Variants in RCOR2 observed in about 807,000 individuals in gnomAD.
RCOR2 encodes REST corepressor 2.
A neutral mutation model predicts 58.9 loss-of-function variants in RCOR2; 19 were observed. The ratio of observed to expected loss-of-function variants is 0.32; its 90% CI spans 0.23 to 0.47. RCOR2 has a LOEUF of 0.47. RCOR2 is among the 20% of genes least tolerant of loss of function. The probability of loss-of-function intolerance (pLI) is 1.00; values close to 1 mark genes in which losing one functional copy is unlikely to be tolerated. For synonymous variants in RCOR2, 286 were observed against 278.7 expected (o/e 1.03, Z -0.26); for missense variants, 590 against 707.9 (o/e 0.83, Z 1.89).
intron 1 of RCOR2, 54 bp downstream of exon 1, chr11:63,916,276 C>T: frequency 6.8e-7 from 1 of 1,479,984 alleles, no homozygotes; most frequent in Non-Finnish European, 9.2e-7. Context: ...CCCTCCCGCC[C>T]CACTCCGCTC....
At position 63,916,378 on chromosome 11, in the gene RCOR2, C is replaced by T. The variant is rs964515577; in HGVS notation, c.79G>A (p.Gly27Arg). ...CTGTCATCCTCCGAGTGGGGCTGTCCGCCGTTGGGCACCGTCTTGGCCCGG... is the reference window on the plus strand; with the variant it reads ...CTGTCATCCTCCGAGTGGGGCTGTCTGCCGTTGGGCACCGTCTTGGCCCGG... ...RSRAKTVPNGGQPHSEDDSSE... is the reference protein window; with the variant it reads ...RSRAKTVPNGRQPHSEDDSSE... The change falls in exon 1 of 12, where the codon GGA (glycine) becomes AGA (arginine). Residue 27 changes from glycine to arginine, a missense_variant. Physicochemically the swap from Gly to Arg is moderately radical, Grantham distance 125 (BLOSUM62 -2). Around this residue, in one of 3 missense-constraint regions of RCOR2, gnomAD observed 390 missense variants for 478.7 expected, o/e 0.81. Transcript: ENST00000301459. 1 of 1,607,382 alleles carries T rather than the reference C, an allele frequency of 6.2e-7. No homozygotes were observed. Among genetic ancestry groups the T allele is most frequent in the South Asian group, 1.1e-5 (1 of 89,710 alleles).
Position 63,914,558 on chromosome 11 carries a change from C to A in RCOR2, c.481-17G>T. The A allele has an allele frequency of 6.2e-7, 1 of 1,613,374 alleles. No individual in the cohort carries two copies. The highest frequency in any genetic ancestry group is 1.1e-5 in the South Asian group (1 of 91,068). On this transcript the variant is annotated splice_polypyrimidine_tract_variant and intron_variant, in intron 5 of 11. Transcript: ENST00000301459. ...GTCAGGCAGCTGGAGGAGGCAACGC[C>A]AGAAGCTGGGGACCACTCAAGACTC... is the stretch of plus-strand genomic sequence containing the variant.
At position 63,913,947 on chromosome 11, in the gene RCOR2, G is replaced by GCC. The variant is rs1355330539; in HGVS notation, c.891+5_891+6dup. ...TTGCATAGCCCGTTCATTTCCCAGG[G>GCC]CCCCACCTGGCGCTTGAGGGAGATG... On this transcript the variant is annotated splice_region_variant and intron_variant, in intron 8 of 11. Coordinates refer to ENST00000301459, the MANE Select transcript of RCOR2 (RefSeq NM_173587.4). 1.2e-6 allele frequency: 2 copies of GCC among 1,612,822 alleles called. No homozygotes were observed. Among genetic ancestry groups the GCC allele is most frequent in the Non-Finnish European group, 1.7e-6 (2 of 1,179,524 alleles).
At chr11:63,913,845 G>T in intron 8 of RCOR2, 109 bp downstream of exon 8, 2 of 1,023,278 alleles carry the variant, frequency 2.0e-6, no homozygotes, top group Admixed American at 1.8e-5. Flanking sequence ...CCCAGAGGAT[G>T]GGGCTCGGCC....
chr11:63,920,589 G>C (rs996762886), upstream of RCOR2, among the ~76,000 whole-genome samples: 44 of 152,198 alleles, frequency 2.9e-4, no homozygotes, highest in Non-Finnish European at 5.3e-4. Flanking sequence ...GAGGGAGTGT[G>C]GTGGGATCCG....
the RCOR2 span, among the ~76,000 whole-genome samples, chr11:63,926,876 C>G: frequency 6.6e-6 from 1 of 151,338 alleles, no homozygotes; most frequent in East Asian, 1.9e-4. Context: ...GGCTGGAGTG[C>G]AGTGGCGCGA....
In RCOR2 at chr11:63,916,432, T is replaced by C. The variant is rs764640105; in HGVS notation, c.25A>G (p.Ser9Gly). The change falls in exon 1 of 12, where the codon AGC (serine) becomes GGC (glycine). Residue 9 changes from serine to glycine, a missense_variant. Ser to Gly is a moderately conservative substitution (Grantham distance 56). This residue lies in a region of RCOR2 where 390 missense variants were observed against 478.7 expected (regional missense o/e 0.81). Coordinates refer to ENST00000301459, the MANE Select transcript of RCOR2 (RefSeq NM_173587.4). MPSVMEKPSAGSGILSRSR... is the reference protein window; with the variant it reads MPSVMEKPGAGSGILSRSR... ...CGGGACAGGATCCCAGAGCCCGCGC[T>C]CGGCTTCTCCATCACTGAGGGCATT... is the stretch of plus-strand genomic sequence containing the variant. 6.2e-7 allele frequency: 1 copy of C among 1,607,908 alleles called. No individual in the cohort carries two copies. Among genetic ancestry groups the C allele is most frequent in the South Asian group, 1.1e-5 (1 of 89,924 alleles).
At chr11:63,927,576 C>A in the RCOR2 span, among the ~76,000 whole-genome samples, 1 of 152,136 alleles carries the variant, frequency 6.6e-6, no homozygotes, top group African/African-American at 2.4e-5. Context: ...ACCCCACATA[C>A]CTTTTTATCA....
chr11:63,915,568 C>T lies in RCOR2; in HGVS notation c.171G>A (p.Pro57=), dbSNP rs1199545133. The change falls in exon 2 of 12, where the codon CCG becomes CCA. Residue 57 remains proline, a synonymous_variant. Transcript: ENST00000301459. Reference sequence around the variant, plus strand: ...CCTGCGGCTCACCAGGCTTGCACTCCGGAATTACGGCCTGGTAATTGGTTC... The same window carrying T: ...CCTGCGGCTCACCAGGCTTGCACTCTGGAATTACGGCCTGGTAATTGGTTC... The part of the protein sequence containing the change: ...RVGTNYQAVI[P]ECKPESPARY... 4 of 1,538,754 alleles carry T rather than the reference C, an allele frequency of 2.6e-6. No individual in the cohort carries two copies. The highest frequency in any genetic ancestry group is 2.4e-5 in the East Asian group (1 of 41,576).
upstream of RCOR2, among the ~76,000 whole-genome samples, chr11:63,920,899 A>AC (rs1941911115): frequency 7.8e-6 from 1 of 128,668 alleles, no homozygotes; most frequent in African/African-American, 3.0e-5. Context: ...ACCCCACCTC[A>AC]CCCCCCACCC....
intron 8 of RCOR2, among the ~76,000 whole-genome samples, chr11:63,913,540 T>G (rs924888886): frequency 9.5e-5 from 14 of 147,316 alleles, no homozygotes; most frequent in African/African-American, 3.2e-4. Context: ...TGGAGTGCAG[T>G]GGTGCAATCT....
chr11:63,913,182 A>AT lies in RCOR2; in HGVS notation c.892-236dup, dbSNP rs1191861588. ...ATTTTTTATATATATATATATATATATATTTTTTTTTTTTTTTTTTTGAGA... is the reference window on the plus strand; with the variant it reads ...ATTTTTTATATATATATATATATATATTATTTTTTTTTTTTTTTTTTTGAGA... On this transcript the variant is annotated intron_variant, in intron 8 of 11. Transcript: ENST00000301459. Among the ~76,000 whole-genome samples, 233 of 81,656 alleles carry AT rather than the reference A, an allele frequency of 2.9e-3. 1 individual carries two copies. Among genetic ancestry groups the AT allele is most frequent in the African/African-American group, 9.2e-3 (213 of 23,214 alleles). 53.6% of individuals were successfully genotyped at this position (81,656 alleles called of 152,430 possible). A position where few individuals can be genotyped will look rare whatever the true frequency, so the allele number is the denominator to read the frequency against.
intron 11 of RCOR2, 55 bp downstream of exon 11, chr11:63,912,250 G>GCCTCA: frequency 1.3e-6 from 2 of 1,591,788 alleles, no homozygotes; most frequent in Non-Finnish European, 1.7e-6. Context: ...CCAAGGCGGC[G>GCCTCA]CCTCACCTCG....
upstream of RCOR2, among the ~76,000 whole-genome samples, chr11:63,920,843 G>T (rs1941910682): frequency 6.6e-6 from 1 of 151,958 alleles, no homozygotes; most frequent in South Asian, 2.1e-4. Flanking sequence ...CCCCTTTTCT[G>T]GGCCCTGTCA....
At chr11:63,926,818 T>G in the RCOR2 span, among the ~76,000 whole-genome samples, 1 of 149,268 alleles carries the variant, frequency 6.7e-6, no homozygotes, top group South Asian at 2.1e-4. Context: ...TGTTGTTGTT[T>G]GTTTTCATTT....
the RCOR2 span, among the ~76,000 whole-genome samples, chr11:63,924,874 G>A: frequency 0.045 from 5,610 of 124,748 alleles, 373 homozygotes; most frequent in African/African-American, 0.15. Context: ...TTTTGAGATG[G>A]AGTTTCGCTC....
chr11:63,912,795 C>T (rs1941792781), intron 9 of RCOR2, 62 bp from the exon 10 acceptor site: 3 of 1,606,960 alleles, frequency 1.9e-6, no homozygotes, highest in Non-Finnish European at 2.6e-6. Context: ...AGCCCTGCTC[C>T]CCAAGCAGTA....
In RCOR2 at chr11:63,914,136, C is replaced by G. The variant is rs976856713; in HGVS notation, c.709G>C (p.Gly237Arg). 1.2e-6 allele frequency: 2 copies of G among 1,613,886 alleles called. No individual in the cohort carries two copies. Among genetic ancestry groups the G allele is most frequent in the South Asian group, 2.2e-5 (2 of 91,086 alleles). The change falls in exon 8 of 12, where the codon GGC (glycine) becomes CGC (arginine). Residue 237 changes from glycine to arginine, a missense_variant. Gly to Arg is a moderately radical substitution (Grantham distance 125). Around this residue, in one of 3 missense-constraint regions of RCOR2, gnomAD observed 390 missense variants for 478.7 expected, o/e 0.81. Transcript: ENST00000301459. ...ACCTGGACCTCCTTTTTCCCAGGGC[C>G]TGGGCGTGCATTCAGGGGCCGAGAG... ...LPSRPLNARP[G>R]PGKKEVQVSQ...
At position 63,911,684 on chromosome 11, in the gene RCOR2, C is replaced by T; in HGVS notation, c.*181G>A. ...TGAGCCCGGCCATGGCCCCAGGAGA[C>T]AGGCCCAGCTGCCAGGAACACATGC... On this transcript the variant is annotated 3_prime_UTR_variant, in exon 12 of 12. Coordinates refer to ENST00000301459, the MANE Select transcript of RCOR2 (RefSeq NM_173587.4). 1 of 1,038,218 alleles carries T rather than the reference C, an allele frequency of 9.6e-7. No individual in the cohort carries two copies. Among genetic ancestry groups the T allele is most frequent in the Non-Finnish European group, 1.3e-6 (1 of 778,540 alleles). The allele number at this position is 1,038,218 out of a possible 1,614,324, so 64.3% of individuals were successfully genotyped here. A position where few individuals can be genotyped will look rare whatever the true frequency, so the allele number is the denominator to read the frequency against.
Sources: gnomAD v4.1 joint callset for allele counts (sites outside exome capture counted in the v4.1 genomes callset) on GRCh38, gnomAD v4.1.1 for gene constraint, gnomAD v4.1.1 regional missense constraint, MANE v1.5 for transcripts, NCBI Gene and HGNC (gene_info 2026-07-23, HGNC 2026-07-21) for gene names.